The following PTPRT variants were observed in gnomAD, a reference collection of about 807,000 sequenced individuals.
PTPRT encodes the protein protein tyrosine phosphatase receptor type T, also known as receptor-type tyrosine-protein phosphatase T.
PTPRT carries 56 observed loss-of-function variants against 176.8 expected under a neutral mutation model. The ratio of observed to expected loss-of-function variants is 0.32; its 90% CI spans 0.26 to 0.40. PTPRT has a LOEUF of 0.40. Among genes scored for constraint, PTPRT ranks in the 10% least tolerant of loss-of-function variants. The pLI is 1.00. For missense variants in PTPRT, 1,540 were observed against 1,908.2 expected (o/e 0.81, Z 3.60); for synonymous variants, 783 against 739.0 (o/e 1.06, Z -0.96).
Position 42,771,427 on chromosome 20 carries a change from A to T in PTPRT, c.684+8T>A. Reference sequence around the variant, plus strand: ...ACGAGTCTGAGCAGAGGCTTCTCTCATGCTTACCTGGAGCCAAAGCTTGTC... The same window carrying T: ...ACGAGTCTGAGCAGAGGCTTCTCTCTTGCTTACCTGGAGCCAAAGCTTGTC... On this transcript the variant is annotated splice_region_variant and intron_variant, in intron 5 of 30. Transcript: ENST00000373187. The T allele has an allele frequency of 6.2e-7, 1 of 1,609,184 alleles. No homozygotes were observed. Among genetic ancestry groups the T allele is most frequent in the Non-Finnish European group, 8.5e-7 (1 of 1,175,600 alleles).
chr20:42,605,796 C>T (rs372278542), intron 7 of PTPRT, among the ~76,000 whole-genome samples: 7 of 152,236 alleles, frequency 4.6e-5, no homozygotes, highest in African/African-American at 7.2e-5. Flanking sequence ...CTCAGTCCAC[C>T]GATTAGAGGG....
intron 2 of PTPRT, among the ~76,000 whole-genome samples, chr20:42,878,572 G>A (rs2078969497): frequency 1.3e-5 from 2 of 152,120 alleles, no homozygotes; most frequent in Non-Finnish European, 2.9e-5. Flanking sequence ...ACATGACCTT[G>A]GACCAGTTGC....
rs796124094 is a variant in PTPRT at position 42,322,341 on chromosome 20, C to A, written c.1866-6345G>T. Among the ~76,000 whole-genome samples the A allele has an allele frequency of 2.2e-4, 33 of 149,530 alleles. No individual in the cohort carries two copies. The East Asian group carries it at 3.7e-3, about 17-fold the overall frequency. Reference sequence around the variant, plus strand: ...AAAAGAACAAAGCTGGAGGCATCACCCTACCTGACTTCAAACTATACTACA... The same window carrying A: ...AAAAGAACAAAGCTGGAGGCATCACACTACCTGACTTCAAACTATACTACA... On this transcript the variant is annotated intron_variant, in intron 11 of 30. Coordinates refer to ENST00000373187, the MANE Select transcript of PTPRT (RefSeq NM_007050.6).
intron 1 of PTPRT, among the ~76,000 whole-genome samples, chr20:42,889,893 T>C (rs1254476247): frequency 6.6e-6 from 1 of 152,204 alleles, no homozygotes; most frequent in African/African-American, 2.4e-5. Flanking sequence ...GGGTTACATA[T>C]ATAGCTCTGA....
At position 42,322,598 on chromosome 20, in the gene PTPRT, C is replaced by T. The variant is rs571616624; in HGVS notation, c.1866-6602G>A. On this transcript the variant is annotated intron_variant, in intron 11 of 30. Coordinates refer to ENST00000373187, the MANE Select transcript of PTPRT (RefSeq NM_007050.6). ...CTGGATCCCTTCCTTACACCTTATA[C>T]AAAAATCAGTTCAAGATGGATTAAA... Among the ~76,000 whole-genome samples, 276 of 147,974 alleles carry T rather than the reference C, an allele frequency of 1.9e-3. 1 individual carries two copies. Among genetic ancestry groups the T allele is most frequent in the African/African-American group, 6.7e-3 (259 of 38,530 alleles).
chr20:42,229,713 T>G (rs2056094956), intron 15 of PTPRT, among the ~76,000 whole-genome samples: 1 of 152,196 alleles, frequency 6.6e-6, no homozygotes, highest in Non-Finnish European at 1.5e-5. Context: ...TTGTCTCTGT[T>G]TTACATACCA....
chr20:43,029,349 C>G (rs1986042716), intron 1 of PTPRT, among the ~76,000 whole-genome samples: 1 of 152,218 alleles, frequency 6.6e-6, no homozygotes, highest in South Asian at 2.1e-4. Flanking sequence ...AGGCCACCCA[C>G]CAACAAGCAA....
At chr20:42,608,337 T>A (rs1016738103) in intron 7 of PTPRT, among the ~76,000 whole-genome samples, 1 of 152,062 alleles carries the variant, frequency 6.6e-6, no homozygotes, top group Non-Finnish European at 1.5e-5. Flanking sequence ...GAATATGAGG[T>A]CTCTGGAAAC....
chr20:42,872,980 C>T (rs1170427858), intron 2 of PTPRT, among the ~76,000 whole-genome samples: 1 of 152,142 alleles, frequency 6.6e-6, no homozygotes, highest in Non-Finnish European at 1.5e-5. Flanking sequence ...CCACCATGTG[C>T]CTGCAGCCCA....
At chr20:42,764,360 A>G (rs1417421508) in intron 5 of PTPRT, among the ~76,000 whole-genome samples, 1 of 152,224 alleles carries the variant, frequency 6.6e-6, no homozygotes, top group African/African-American at 2.4e-5. Context: ...GTGGGGAGGC[A>G]ATTCAAAAAT....
At chr20:42,673,869 C>A (rs1302732688) in intron 7 of PTPRT, among the ~76,000 whole-genome samples, 1 of 152,216 alleles carries the variant, frequency 6.6e-6, no homozygotes, top group East Asian at 1.9e-4. Context: ...AAGACCATTT[C>A]TCTTTCCATG....
chr20:42,582,344 GCT>G (rs1008373432), intron 7 of PTPRT, among the ~76,000 whole-genome samples: 1 of 152,174 alleles, frequency 6.6e-6, no homozygotes, highest in Non-Finnish European at 1.5e-5. Context: ...GCCAGACGAA[GCT>G]CTGAGGCTAG....
At chr20:42,991,866 T>C (rs1983931124) in intron 1 of PTPRT, among the ~76,000 whole-genome samples, 1 of 152,182 alleles carries the variant, frequency 6.6e-6, no homozygotes, top group Non-Finnish European at 1.5e-5. Flanking sequence ...ACGGGATAAA[T>C]TTAAAACCAG....
At chr20:42,167,449 T>A (rs1989877431) in intron 16 of PTPRT, among the ~76,000 whole-genome samples, 1 of 152,250 alleles carries the variant, frequency 6.6e-6, no homozygotes, top group Non-Finnish European at 1.5e-5. Context: ...CAAGTCATTT[T>A]TCTTAGCAAA....
At chr20:42,730,686 T>A (rs1395952271) in intron 6 of PTPRT, among the ~76,000 whole-genome samples, 1 of 152,244 alleles carries the variant, frequency 6.6e-6, no homozygotes, top group African/African-American at 2.4e-5. Context: ...CAATGCTGAA[T>A]GCTCACAGCT....
At chr20:42,701,177 C>T (rs894181325) in intron 6 of PTPRT, among the ~76,000 whole-genome samples, 2 of 152,154 alleles carry the variant, frequency 1.3e-5, no homozygotes, top group African/African-American at 4.8e-5. Flanking sequence ...AAATTTATCA[C>T]ACTGGGAAGG....
chr20:42,851,515 C>CA (rs994290006), intron 2 of PTPRT, among the ~76,000 whole-genome samples: 11 of 152,108 alleles, frequency 7.2e-5, no homozygotes, highest in South Asian at 2.1e-4. Flanking sequence ...CTTTTACTCT[C>CA]AAAAATGTCC....
chr20:42,769,440 T>G (rs1229991161), intron 5 of PTPRT, among the ~76,000 whole-genome samples: 2 of 152,162 alleles, frequency 1.3e-5, no homozygotes, highest in Non-Finnish European at 1.5e-5. Flanking sequence ...ACACACCTAT[T>G]GAAATGCTAA....
intron 11 of PTPRT, among the ~76,000 whole-genome samples, chr20:42,322,824 C>A (rs1268144405): frequency 6.6e-6 from 1 of 151,972 alleles, no homozygotes; most frequent in Non-Finnish European, 1.5e-5. Context: ...GAACAGGCAA[C>A]CTACAAAATG....
Sources: gnomAD v4.1 joint callset for allele counts (sites outside exome capture counted in the v4.1 genomes callset) on GRCh38, gnomAD v4.1.1 for gene constraint, MANE v1.5 for transcripts, NCBI Gene and HGNC (gene_info 2026-07-23, HGNC 2026-07-21) for gene names.